The following MCF2L variants were observed in gnomAD, a reference collection of about 807,000 sequenced individuals.
MCF2L encodes MCF.2 cell line derived transforming sequence like, also known as guanine nucleotide exchange factor DBS.
In MCF2L, 97 loss-of-function variants were observed where a neutral mutation model predicts 153.4. The observed-to-expected ratio is 0.63, with a 90% CI of 0.54 to 0.75. The LOEUF (loss-of-function observed/expected upper bound fraction) is 0.75, where lower values mean the gene tolerates loss of function less well. Ranked by LOEUF, MCF2L falls within the 30% of genes least tolerant of loss-of-function variation. The pLI is 0.00. For missense variants in MCF2L, 1,347 were observed against 1,495.2 expected (o/e 0.90, Z 1.64); for synonymous variants, 659 against 632.2 (o/e 1.04, Z -0.64).
intron 2 of MCF2L, among the ~76,000 whole-genome samples, chr13:112,920,896 G>A (rs899729244): frequency 2.0e-5 from 3 of 152,090 alleles, no homozygotes; most frequent in Non-Finnish European, 4.4e-5. Flanking sequence ...GGCCAGGCGC[G>A]GTGGCTCAAG....
intron 1 of MCF2L, among the ~76,000 whole-genome samples, chr13:112,895,493 G>A (rs996135212): frequency 6.6e-6 from 1 of 152,124 alleles, no homozygotes; most frequent in Non-Finnish European, 1.5e-5. Context: ...GGTGGGTGCT[G>A]GATGCTGGGA....
intron 1 of MCF2L, among the ~76,000 whole-genome samples, chr13:112,901,111 G>T (rs114342897): frequency 6.6e-6 from 1 of 152,192 alleles, no homozygotes; most frequent in Non-Finnish European, 1.5e-5. Flanking sequence ...GAACAGTGGC[G>T]TGGAAAGCGA....
intron 2 of MCF2L, among the ~76,000 whole-genome samples, chr13:112,918,323 C>G (rs1282063921): frequency 6.6e-6 from 1 of 152,194 alleles, no homozygotes; most frequent in Non-Finnish European, 1.5e-5. Flanking sequence ...GTCACGAGAA[C>G]GTCATTTTGG....
chr13:112,963,666 G>A (rs1315651360), intron 2 of MCF2L, among the ~76,000 whole-genome samples: 8 of 152,210 alleles, frequency 5.3e-5, no homozygotes, highest in Admixed American at 1.3e-4. Flanking sequence ...AACCCCCAGC[G>A]CCTGTGGGTG....
intron 1 of MCF2L, among the ~76,000 whole-genome samples, chr13:112,970,314 G>GT (rs1311050837): frequency 6.6e-6 from 1 of 152,116 alleles, no homozygotes; most frequent in Non-Finnish European, 1.5e-5. Context: ...CTTGGTTTGG[G>GT]TGTGGTTCTC....
At chr13:113,025,019 A>G (rs112088538) in intron 3 of MCF2L, 7,846 of 84,038 alleles carry the variant, frequency 0.093, 147 homozygotes, top group South Asian at 0.15. Flanking sequence ...TTGGGGCAGA[A>G]TCTCTGTGAG....
rs1262731370 is a variant in MCF2L, at chr13:113,053,540, T to C, written c.370-7053T>C. The stretch of plus-strand genomic sequence containing the variant: ...GTGTGCTCAGACGGCCAAGGAGGCG[T>C]CCGGATTTCCCCAGGAGAAGGTGCC... On this transcript the variant is annotated intron_variant, in intron 4 of 29. Transcript: ENST00000535094. This position sits in a 1 kb window ranked among gnomAD's most constrained non-coding sequence, Gnocchi z 4.4. Among the ~76,000 whole-genome samples the C allele has an allele frequency of 6.6e-5, 10 of 152,140 alleles. No homozygotes were observed. The highest frequency in any genetic ancestry group is 6.5e-4 in the Admixed American group (10 of 15,272).
intron 2 of MCF2L, among the ~76,000 whole-genome samples, chr13:112,913,023 T>C (rs1824444963): frequency 6.6e-6 from 1 of 151,358 alleles, no homozygotes; most frequent in South Asian, 2.1e-4. Flanking sequence ...TGTGTCTGGG[T>C]GTGTCTGTGA....
At chr13:113,078,224 C>T (rs1409721358) in intron 13 of MCF2L, 139 bp from the exon 14 acceptor site, 2 of 693,076 alleles carry the variant, frequency 2.9e-6, no homozygotes, top group Non-Finnish European at 2.5e-6. Context: ...CCTCAGAGGC[C>T]AAGTCCTGCC....
Position 113,074,706 on chromosome 13 carries a change from T to G in MCF2L, c.1116+143T>G, listed in dbSNP as rs1342678430. 1.6e-6 allele frequency: 2 copies of G among 1,277,248 alleles called. No homozygotes were observed. Among genetic ancestry groups the G allele is most frequent in the African/African-American group, 2.9e-5 (2 of 68,076 alleles). The allele number at this position is 1,277,248 out of a possible 1,614,324, so 79.1% of individuals were successfully genotyped here. A position where few individuals can be genotyped will look rare whatever the true frequency, so the allele number is the denominator to read the frequency against. On this transcript the variant is annotated intron_variant, in intron 10 of 29. Transcript: ENST00000535094. This position sits in a 1 kb window ranked among gnomAD's most constrained non-coding sequence, Gnocchi z 4.2. ...GGGATGTCCATGGGGTGGGGGGTGC[T>G]GCTGCCTGTACCCCTCCCCTCCCAC...
chr13:112,978,778 C>T (rs1223867107), intron 1 of MCF2L, among the ~76,000 whole-genome samples: 6 of 152,256 alleles, frequency 3.9e-5, no homozygotes, highest in Admixed American at 2.0e-4. Flanking sequence ...CAGGCCTGAG[C>T]GCCAGCCCTG....
In MCF2L at chr13:113,074,623, TCAGGAAGGCG is replaced by T; in HGVS notation, c.1116+67_1116+76del. ...TGTGGGCAGCATCATCAAGTGCTGCTCAGGAAGGCGCAGGAATGGGCCTCCCGCCTACGGA... is the reference window on the plus strand; with the variant it reads ...TGTGGGCAGCATCATCAAGTGCTGCTCAGGAATGGGCCTCCCGCCTACGGA... On this transcript the variant is annotated intron_variant, in intron 10 of 29. Coordinates refer to ENST00000535094, the MANE Select transcript of MCF2L (RefSeq NM_001112732.3). The surrounding 1 kb of genome is among the most constrained non-coding windows in gnomAD (Gnocchi z 4.2). 6.3e-7 allele frequency: 1 copy of T among 1,596,542 alleles called. No homozygotes were observed. Among genetic ancestry groups the T allele is most frequent in the Non-Finnish European group, 8.6e-7 (1 of 1,167,022 alleles).
intron 8 of MCF2L, among the ~76,000 whole-genome samples, chr13:113,066,701 C>T (rs1261605946): frequency 6.6e-6 from 1 of 151,952 alleles, no homozygotes; most frequent in African/African-American, 2.4e-5. Flanking sequence ...CCCTCACCCC[C>T]CGAGAACTCC....
intron 11 of MCF2L, 73 bp from the exon 12 acceptor site, chr13:113,075,893 G>T (rs2033422588): frequency 8.0e-7 from 1 of 1,252,430 alleles, no homozygotes; most frequent in Admixed American, 2.4e-5. Context: ...CACCCCGGCA[G>T]TGTGTGCCTG....
chr13:112,964,566 G>A (rs2081870632), upstream of MCF2L, among the ~76,000 whole-genome samples: 2 of 152,218 alleles, frequency 1.3e-5, no homozygotes, highest in Non-Finnish European at 1.5e-5. Context: ...CTACTTGTAG[G>A]AAATTAACAC....
chr13:112,923,630 TG>T (rs2081375433), intron 2 of MCF2L, among the ~76,000 whole-genome samples: 1 of 152,200 alleles, frequency 6.6e-6, no homozygotes, highest in Admixed American at 6.5e-5. Context: ...CCAAATTGTT[TG>T]TTTTTTGCCA....
At chr13:112,986,996 C>G (rs942279191) in intron 1 of MCF2L, among the ~76,000 whole-genome samples, 1 of 151,956 alleles carries the variant, frequency 6.6e-6, no homozygotes, top group Admixed American at 6.6e-5. Flanking sequence ...AGGTGGGACT[C>G]GGAGCCAGTG....
chr13:113,018,164 G>A (rs960838641), intron 2 of MCF2L, among the ~76,000 whole-genome samples: 2 of 152,218 alleles, frequency 1.3e-5, no homozygotes, highest in Non-Finnish European at 2.9e-5. Flanking sequence ...TGAGGGATGC[G>A]TAAACCTCGG....
chr13:113,091,532 A>G (rs2035211954), intron 26 of MCF2L, among the ~76,000 whole-genome samples: 1 of 151,926 alleles, frequency 6.6e-6, no homozygotes, highest in South Asian at 2.1e-4. Context: ...GCTGTCGGCT[A>G]TAGGGCACCC....
Sources: allele counts gnomAD v4.1 joint callset (sites outside exome capture counted in the v4.1 genomes callset), GRCh38; gene constraint gnomAD v4.1.1; non-coding constraint Gnocchi (gnomAD v3.1); transcripts MANE v1.5; gene names NCBI Gene and HGNC (gene_info 2026-07-23, HGNC 2026-07-21).